Variants in CYTH3 observed in about 807,000 individuals in gnomAD.
CYTH3 encodes the protein cytohesin 3, also known as cytohesin-3.
CYTH3 carries 23 observed loss-of-function variants against 55.1 expected under a neutral mutation model. The observed-to-expected ratio is 0.42, with a 90% CI of 0.30 to 0.59. CYTH3 has a LOEUF of 0.59. CYTH3 is among the 20% of genes least tolerant of loss of function. The pLI is 0.20. For synonymous variants in CYTH3, 249 were observed against 194.9 expected, an observed-to-expected ratio of 1.28 and a Z score of -2.31; for missense variants, 413 against 524.8, an observed-to-expected ratio of 0.79 and a Z score of 2.08.
chr7:6,223,502 G>C (rs1380471643), intron 1 of CYTH3, among the ~76,000 whole-genome samples: 3 of 152,178 alleles, frequency 2.0e-5, no homozygotes, highest in Non-Finnish European at 4.4e-5. Flanking sequence ...AAATTATTCT[G>C]CCTTGGGATG....
Position 6,170,235 on chromosome 7 carries a change from G to T in CYTH3, c.823+300C>A. 2.5e-6 allele frequency: 1 copy of T among 392,942 alleles called. No individual in the cohort carries two copies. Among genetic ancestry groups the T allele is most frequent in the Non-Finnish European group, 4.6e-6 (1 of 217,966 alleles). The allele number at this position is 392,942 out of a possible 1,614,324, so 24.3% of individuals were successfully genotyped here. A position where few individuals can be genotyped will look rare whatever the true frequency, so the allele number is the denominator to read the frequency against. ...CACACAGGCTCTGTGGAGATAATGC[G>T]CTTGCTTCTCGTGCAGGAAGCTGCC... On this transcript the variant is annotated intron_variant, in intron 9 of 12. Coordinates refer to ENST00000350796, the MANE Select transcript of CYTH3 (RefSeq NM_004227.4). This position sits in a 1 kb window ranked among gnomAD's most constrained non-coding sequence, Gnocchi z 7.8.
At chr7:6,180,550 A>G (rs1300294154) in intron 4 of CYTH3, among the ~76,000 whole-genome samples, 3 of 152,200 alleles carry the variant, frequency 2.0e-5, no homozygotes, top group Non-Finnish European at 2.9e-5. Context: ...CTAAGCAGCA[A>G]TCCTGCCCAC....
chr7:6,214,912 T>G (rs573620712), intron 1 of CYTH3, among the ~76,000 whole-genome samples: 4 of 151,934 alleles, frequency 2.6e-5, no homozygotes, highest in Admixed American at 6.6e-5. Context: ...ATAGAGACAA[T>G]AGTATTTTCT....
At chr7:6,259,757 T>TATATATATATAA (rs1554255069) in intron 1 of CYTH3, among the ~76,000 whole-genome samples, 5 of 37,464 alleles carry the variant, frequency 1.3e-4, no homozygotes, top group Non-Finnish European at 1.9e-4. Context: ...TATATATATA[T>TATATATATATAA]TATATATATA....
chr7:6,182,558 A>T (rs1783530544), intron 4 of CYTH3, among the ~76,000 whole-genome samples: 1 of 152,104 alleles, frequency 6.6e-6, no homozygotes, highest in African/African-American at 2.4e-5. Context: ...CCAGGCTAGA[A>T]TGCAGTGGTG....
intron 1 of CYTH3, among the ~76,000 whole-genome samples, chr7:6,235,554 G>A (rs1005103105): frequency 5.3e-5 from 8 of 151,192 alleles, no homozygotes; most frequent in Non-Finnish European, 7.4e-5. Context: ...GCATCCTCAC[G>A]AAGCTCCCTA....
intron 6 of CYTH3, chr7:6,172,873 G>T (rs1393191828): frequency 7.9e-7 from 1 of 1,261,466 alleles, no homozygotes; most frequent in South Asian, 1.3e-5. Flanking sequence ...ACATCACGAG[G>T]GTCCCACAAA....
In CYTH3 at chr7:6,171,254, C is replaced by T; in HGVS notation, c.510G>A (p.Glu170=). The T allele has an allele frequency of 1.9e-6, 3 of 1,614,182 alleles. No homozygotes were observed. The highest frequency in any genetic ancestry group is 1.3e-5 in the African/African-American group (1 of 75,054). Residue 170 remains glutamate, a synonymous_variant, in exon 7 of 13, where the codon GAG becomes GAA. Transcript: ENST00000350796. The surrounding 1 kb of genome is among the most constrained non-coding windows in gnomAD (Gnocchi z 6.7). ...GEAQKIDRMM[E]AFASRYCLCN... is the part of the protein sequence containing the mutation. ...ACAGGCAGTAGCGAGAAGCGAAAGC[C>T]TCCATCATGCGATCAATCTTCTGCG...
At chr7:6,191,355 A>G (rs142821718) in intron 1 of CYTH3, among the ~76,000 whole-genome samples, 5 of 152,282 alleles carry the variant, frequency 3.3e-5, no homozygotes, top group African/African-American at 9.6e-5. Context: ...GCCGACGAAA[A>G]TATGATTCAC....
intron 1 of CYTH3, among the ~76,000 whole-genome samples, chr7:6,267,988 T>C (rs1780547127): frequency 6.6e-6 from 1 of 152,152 alleles, no homozygotes; most frequent in Admixed American, 6.6e-5. Flanking sequence ...AGTGAAAAGT[T>C]TCCTTCCCAC....
rs576663325 is a variant in CYTH3 at position 6,196,257 on chromosome 7, A to G, written c.35-5726T>C. ...CGCACCACACTTAGCGTTGAAGGAG[A>G]AGAAACACAAAGAAATCGAGATCAA... is the stretch of plus-strand genomic sequence containing the variant. On this transcript the variant is annotated intron_variant, in intron 1 of 12. Transcript: ENST00000350796. Among the ~76,000 whole-genome samples the G allele has an allele frequency of 2.0e-5, 3 of 152,256 alleles. No homozygotes were observed. In the East Asian group the frequency reaches 5.8e-4, roughly 29 times the overall value.
intron 2 of CYTH3, among the ~76,000 whole-genome samples, chr7:6,189,529 G>T (rs1030986715): frequency 2.4e-4 from 36 of 151,894 alleles, no homozygotes; most frequent in African/African-American, 8.7e-4. Flanking sequence ...GGCTGGTCTT[G>T]AACTCCTGGG....
intron 1 of CYTH3, among the ~76,000 whole-genome samples, chr7:6,255,289 A>C (rs531843339): frequency 6.6e-6 from 1 of 152,256 alleles, no homozygotes; most frequent in African/African-American, 2.4e-5. Context: ...AAGCATACAG[A>C]AAGTATGAAT....
At position 6,163,909 on chromosome 7, in the gene CYTH3, C is replaced by A. The variant is rs1782912630; in HGVS notation, c.*1035G>T. On this transcript the variant is annotated 3_prime_UTR_variant, in exon 13 of 13. Coordinates refer to ENST00000350796, the MANE Select transcript of CYTH3 (RefSeq NM_004227.4). ...GTCAAAAGCCGGTCTAACCTGCTGA[C>A]CTGTATGAAACGCTGCCATGTGTGT... is the stretch of plus-strand genomic sequence containing the variant. 6.6e-6 allele frequency: 1 copy of A among 152,212 alleles called. No homozygotes were observed. Among genetic ancestry groups the A allele is most frequent in the African/African-American group, 2.4e-5 (1 of 41,436 alleles). 9.4% of individuals were successfully genotyped at this position (152,212 alleles called of 1,614,324 possible).
In CYTH3 at chr7:6,173,074, C is replaced by A. The variant is rs972543680; in HGVS notation, c.449+579G>T. The A allele has an allele frequency of 2.8e-6, 3 of 1,064,486 alleles. No individual in the cohort carries two copies. The African/African-American group carries it at 5.1e-5, about 18-fold the overall frequency. The allele number at this position is 1,064,486 out of a possible 1,614,324, so 65.9% of individuals were successfully genotyped here. A position where few individuals can be genotyped will look rare whatever the true frequency, so the allele number is the denominator to read the frequency against. On this transcript the variant is annotated intron_variant, in intron 6 of 12. Coordinates refer to ENST00000350796, the MANE Select transcript of CYTH3 (RefSeq NM_004227.4). The stretch of plus-strand genomic sequence containing the variant: ...CCTCTCCCCCGGATGCTGCTGAGTG[C>A]TGGCTCAGGGTCAAGGCCCAGAACA...
intron 1 of CYTH3, among the ~76,000 whole-genome samples, chr7:6,232,199 G>C (rs1271665021): frequency 6.6e-6 from 1 of 152,050 alleles, no homozygotes; most frequent in Non-Finnish European, 1.5e-5. Context: ...CACAATTCTG[G>C]TTATTGAAAC....
chr7:6,229,990 C>T (rs562202277), intron 1 of CYTH3, among the ~76,000 whole-genome samples: 50 of 152,002 alleles, frequency 3.3e-4, no homozygotes, highest in African/African-American at 1.2e-3. Context: ...CAAAGTCAGC[C>T]GGGTGTGGTG....
Position 6,164,975 on chromosome 7 carries a change from G to A in CYTH3, c.1169C>T (p.Thr390Met), listed in dbSNP as rs768742187. ...TTTATTGGCAATCCTTCGTTTCCTC[G>A]TTGCCAACATGTCATAGAAGGGATC... ...SRDPFYDMLA[T>M]RKRRIANKK is the part of the protein sequence containing the mutation. The change falls in exon 13 of 13, where the codon ACG becomes ATG. Residue 390 changes from threonine to methionine, a missense_variant. This residue lies in a region of CYTH3 where 98 missense variants were observed against 115.2 expected (regional missense o/e 0.85). Coordinates refer to ENST00000350796, the MANE Select transcript of CYTH3 (RefSeq NM_004227.4). The A allele has an allele frequency of 1.1e-5, 17 of 1,614,032 alleles. No homozygotes were observed. The highest frequency in any genetic ancestry group is 3.3e-5 in the Admixed American group (2 of 60,000).
chr7:6,257,796 T>C (rs1780167918), intron 1 of CYTH3, among the ~76,000 whole-genome samples: 1 of 152,172 alleles, frequency 6.6e-6, no homozygotes, highest in Non-Finnish European at 1.5e-5. Context: ...TACACTGCTG[T>C]TCAATCATTT....
Sources: gnomAD v4.1 joint callset for allele counts (sites outside exome capture counted in the v4.1 genomes callset) on GRCh38, gnomAD v4.1.1 for gene constraint, gnomAD v4.1.1 regional missense constraint, Gnocchi (gnomAD v3.1) non-coding constraint, MANE v1.5 for transcripts, NCBI Gene and HGNC (gene_info 2026-07-23, HGNC 2026-07-21) for gene names.